SHCBP1L: variants seen among roughly 807,000 people sequenced by gnomAD.
SHCBP1L encodes the protein SHC binding and spindle associated 1 like, also known as testicular spindle-associated protein SHCBP1L.
A neutral mutation model predicts 62.5 loss-of-function variants in SHCBP1L; 67 were observed. That is an observed-to-expected ratio of 1.07 (90% confidence interval 0.88 to 1.31). The LOEUF is 1.31. SHCBP1L is among the 40% of genes most tolerant of loss of function. The pLI, the probability that SHCBP1L is intolerant of heterozygous loss-of-function variation, is 0.00. For synonymous variants in SHCBP1L, 284 were observed against 289.4 expected (o/e 0.98, Z 0.19); for missense variants, 823 against 809.8 (o/e 1.02, Z -0.20).
At chr1:182,928,420 G>C (rs1054032715) in intron 6 of SHCBP1L, among the ~76,000 whole-genome samples, 2 of 152,144 alleles carry the variant, frequency 1.3e-5, no homozygotes, top group Admixed American at 1.3e-4. Context: ...ATGTAGTCAT[G>C]ATAAAGGAAA....
chr1:182,942,697 T>G (rs1470740365), intron 2 of SHCBP1L, among the ~76,000 whole-genome samples: 1 of 152,236 alleles, frequency 6.6e-6, no homozygotes, highest in African/African-American at 2.4e-5. Context: ...AATACAAATT[T>G]TAAAATGTTG....
chr1:182,951,234 A>T (rs1651734828), intron 2 of SHCBP1L, 84 bp downstream of exon 2: 2 of 1,091,774 alleles, frequency 1.8e-6, no homozygotes, highest in Non-Finnish European at 2.5e-6. Context: ...ACTCTTGTGT[A>T]TCAATCTCCA....
In SHCBP1L at chr1:182,939,770, G is replaced by A. The variant is rs138756234; in HGVS notation, c.771-217C>T. Among the ~76,000 whole-genome samples the A allele has an allele frequency of 1.3e-3, 196 of 152,230 alleles. 1 individual carries two copies. Among genetic ancestry groups the A allele is most frequent in the African/African-American group, 4.6e-3 (190 of 41,560 alleles). On this transcript the variant is annotated intron_variant, in intron 3 of 9. Transcript: ENST00000367547. ...AGTGAATGAGATAATGAGTGGGACT[G>A]TAAAATTGTTTCTAAATTTTATAGA... is the stretch of plus-strand genomic sequence containing the variant.
chr1:182,914,536 G>C (rs1650292494), intron 6 of SHCBP1L, among the ~76,000 whole-genome samples: 1 of 152,154 alleles, frequency 6.6e-6, no homozygotes, highest in African/African-American at 2.4e-5. Context: ...TTAAAGCAAA[G>C]TTGGTATCAA....
chr1:182,915,960 T>C (rs1295555754), intron 6 of SHCBP1L, among the ~76,000 whole-genome samples: 2 of 151,972 alleles, frequency 1.3e-5, no homozygotes, highest in East Asian at 1.9e-4. Context: ...GCGCCCGCCA[T>C]CACGCCCGGC....
At chr1:182,910,269 G>A (rs1018374455) in intron 6 of SHCBP1L, among the ~76,000 whole-genome samples, 3 of 152,200 alleles carry the variant, frequency 2.0e-5, no homozygotes, top group African/African-American at 7.2e-5. Flanking sequence ...CAGTAAACAA[G>A]TGTGGCATTT....
chr1:182,933,834 A>G (rs984956546), intron 5 of SHCBP1L, among the ~76,000 whole-genome samples: 103 of 152,156 alleles, frequency 6.8e-4, no homozygotes, highest in African/African-American at 2.3e-3. Flanking sequence ...TCAGAGTAGT[A>G]TATTGGTCTC....
rs1011927405 is a variant in SHCBP1L at position 182,952,882 on chromosome 1, C to T, written c.252G>A (p.Ala84=). Residue 84 remains alanine (A), a synonymous_variant, in exon 1 of 10, where the codon GCG becomes GCA. Transcript: ENST00000367547. ...PAAQAEDTGE[A]AAAAAEEPLL... ...GGGGCTCCTCCGCCGCCGCCGCCGC[C>T]GCCTCTCCCGTGTCCTCGGCCTGAG... 9 of 1,594,870 alleles carry T rather than the reference C, an allele frequency of 5.6e-6. No homozygotes were observed. Among genetic ancestry groups the T allele is most frequent in the Non-Finnish European group, 6.0e-6 (7 of 1,171,786 alleles).
At chr1:182,935,797 G>A (rs1438083291) in intron 5 of SHCBP1L, among the ~76,000 whole-genome samples, 1 of 152,138 alleles carries the variant, frequency 6.6e-6, no homozygotes, top group Non-Finnish European at 1.5e-5. Context: ...CTTAAAGGCT[G>A]CTTCATCTGA....
At position 182,904,303 on chromosome 1, in the gene SHCBP1L, G is replaced by T. The variant is rs749194448; in HGVS notation, c.1464C>A (p.Ile488=). The change falls in exon 8 of 10, where the codon ATC becomes ATA. Residue 488 remains isoleucine, a synonymous_variant. Coordinates refer to ENST00000367547, the MANE Select transcript of SHCBP1L (RefSeq NM_030933.4). ...SLIQQGTVDG[I]VVVESGHMTL... ...TCATGTGACCAGACTCCACCACCAC[G>T]ATACCATCAACCGTCCCTTGTTGTA... The T allele has an allele frequency of 2.5e-5, 41 of 1,613,860 alleles. No individual in the cohort carries two copies. The highest frequency in any genetic ancestry group is 3.4e-5 in the Non-Finnish European group (40 of 1,180,024).
Position 182,951,395 on chromosome 1 carries a change from C to T in SHCBP1L, c.478G>A (p.Val160Ile). ...AATACACTGGGATTAGTCTTCCAGA[C>T]TCCAAGCCATTTGTCTTTCAACTTT... ...KLKLKDKWLG[V>I]WKTNPSVFFV... The change falls in exon 2 of 10, where the codon GTC becomes ATC. Residue 160 changes from valine (V) to isoleucine (I), a missense_variant. Transcript: ENST00000367547. 3 of 1,609,892 alleles carry T rather than the reference C, an allele frequency of 1.9e-6. No individual in the cohort carries two copies. Among genetic ancestry groups the T allele is most frequent in the Non-Finnish European group, 2.5e-6 (3 of 1,177,618 alleles).
At chr1:182,930,150 A>G (rs1650914381) in intron 5 of SHCBP1L, among the ~76,000 whole-genome samples, 1 of 152,194 alleles carries the variant, frequency 6.6e-6, no homozygotes, top group South Asian at 2.1e-4. Context: ...TCGAATATAC[A>G]TAATTTTAGA....
chr1:182,924,931 G>A (rs201869373), intron 6 of SHCBP1L, among the ~76,000 whole-genome samples: 116 of 25,262 alleles, frequency 4.6e-3, no homozygotes, highest in African/African-American at 6.6e-3. Context: ...AGGAAGGAAG[G>A]AAGGAAGAAA....
intron 2 of SHCBP1L, among the ~76,000 whole-genome samples, chr1:182,946,722 T>A (rs980932393): frequency 6.6e-6 from 1 of 152,238 alleles, no homozygotes; most frequent in East Asian, 1.9e-4. Context: ...TCTGAAGACA[T>A]GAATGCTAGG....
Position 182,907,556 on chromosome 1 carries a change from C to CTTA in SHCBP1L, c.1183-1910_1183-1908dup, listed in dbSNP as rs1316179932. 3.3e-3 allele frequency among the ~76,000 whole-genome samples: 500 copies of CTTA among 149,856 alleles called. 5 individuals are homozygous for CTTA. The highest frequency in any genetic ancestry group is 0.015 in the South Asian group (70 of 4,764). On this transcript the variant is annotated intron_variant, in intron 6 of 9. Coordinates refer to ENST00000367547, the MANE Select transcript of SHCBP1L (RefSeq NM_030933.4). ...ATGGCATTATCATGCATATATCTTT[C>CTTA]TTATTCTTATTATTATTATTATTAT... is the stretch of plus-strand genomic sequence containing the variant.
In SHCBP1L at chr1:182,900,526, G is replaced by A. The variant is rs553075405; in HGVS notation, c.1711-292C>T. On this transcript the variant is annotated intron_variant, in intron 9 of 9. Transcript: ENST00000367547. ...TGGCTCACTGCAACCTCCGCCTCCC[G>A]GTTCAAGTGATTCTCCTGCCTCAGC... Among the ~76,000 whole-genome samples the A allele has an allele frequency of 7.9e-5, 12 of 152,070 alleles. No individual in the cohort carries two copies. The South Asian group carries it at 8.3e-4, about 11-fold the overall frequency.
intron 6 of SHCBP1L, among the ~76,000 whole-genome samples, chr1:182,913,049 C>G (rs571978713): frequency 6.6e-6 from 1 of 151,796 alleles, no homozygotes; most frequent in South Asian, 2.1e-4. Context: ...GCAGGAGAAT[C>G]GCTTGAACCC....
intron 6 of SHCBP1L, among the ~76,000 whole-genome samples, chr1:182,914,857 A>T (rs977066955): frequency 1.3e-5 from 2 of 152,158 alleles, no homozygotes; most frequent in Non-Finnish European, 2.9e-5. Context: ...AAAATAATCC[A>T]ACTATATGAT....
chr1:182,939,133 C>T (rs759165913), intron 5 of SHCBP1L, 43 bp downstream of exon 5: 90 of 1,451,248 alleles, frequency 6.2e-5, no homozygotes, highest in Non-Finnish European at 8.5e-5. Context: ...AAATAATAAC[C>T]ATGTAAACTT....
Sources: gnomAD v4.1 joint callset for allele counts (sites outside exome capture counted in the v4.1 genomes callset) on GRCh38, gnomAD v4.1.1 for gene constraint, MANE v1.5 for transcripts, NCBI Gene and HGNC (gene_info 2026-07-23, HGNC 2026-07-21) for gene names.